The following CHST8 variants were observed in gnomAD, a reference collection of about 807,000 sequenced individuals.
The protein encoded by CHST8 is carbohydrate sulfotransferase 8.
Under a neutral mutation model 15.0 loss-of-function variants are expected in CHST8, and 10 were observed. The observed-to-expected ratio is 0.67, with a 90% CI of 0.41 to 1.13. CHST8 has a LOEUF of 1.13. Ranked by LOEUF, CHST8 falls within the 50% of genes most tolerant of loss-of-function variation. The pLI, the probability that CHST8 is intolerant of heterozygous loss-of-function variation, is 0.00. For missense variants in CHST8, 634 were observed against 608.2 expected, an observed-to-expected ratio of 1.04 and a Z score of -0.45; for synonymous variants, 259 against 256.6, an observed-to-expected ratio of 1.01 and a Z score of -0.09.
At chr19:33,737,194 C>G (rs1974104954) in intron 3 of CHST8, among the ~76,000 whole-genome samples, 1 of 152,202 alleles carries the variant, frequency 6.6e-6, no homozygotes, top group South Asian at 2.1e-4. Context: ...AATAATCAAC[C>G]AGCAGCCCTA....
At chr19:33,657,158 A>AC (rs1972519555) in intron 1 of CHST8, among the ~76,000 whole-genome samples, 2 of 113,710 alleles carry the variant, frequency 1.8e-5, no homozygotes, top group South Asian at 2.8e-4. Flanking sequence ...CACACACACA[A>AC]ACACACATAT....
Position 33,722,959 on chromosome 19 carries a change from A to G in CHST8, c.130+33568A>G, listed in dbSNP as rs553469462. On this transcript the variant is annotated intron_variant, in intron 3 of 4. Coordinates refer to ENST00000650847, the MANE Select transcript of CHST8 (RefSeq NM_001127895.2). ...GCTGAGTGACAGCTAATCATTTTTC[A>G]CCTGGCATTCACCCTTCCGAAGATA... 2.6e-5 allele frequency among the ~76,000 whole-genome samples: 4 copies of G among 152,246 alleles called. No individual in the cohort carries two copies. In the East Asian group the frequency reaches 7.7e-4, roughly 29 times the overall value.
intron 3 of CHST8, among the ~76,000 whole-genome samples, chr19:33,747,574 CAT>C (rs919637151): frequency 3.9e-5 from 6 of 152,100 alleles, no homozygotes; most frequent in Admixed American, 2.0e-4. Context: ...CACACACACA[CAT>C]ACACACTACT....
intron 1 of CHST8, among the ~76,000 whole-genome samples, chr19:33,650,518 C>CTTTTTTTTTTTTTTTTTTTT (rs869057036): frequency 1.1e-4 from 4 of 36,108 alleles, no homozygotes; most frequent in African/African-American, 2.6e-4. Context: ...TTTTTCTTTT[C>CTTTTTTTTTTTTTTTTTTTT]TTTTTTTTTT....
At chr19:33,726,645 G>A (rs1446588409) in intron 3 of CHST8, among the ~76,000 whole-genome samples, 2 of 152,144 alleles carry the variant, frequency 1.3e-5, no homozygotes, top group Non-Finnish European at 2.9e-5. Context: ...GGCTGGATCG[G>A]TGTCCCAGGA....
Position 33,670,770 on chromosome 19 carries a change from C to A in CHST8, c.-87+2927C>A, listed in dbSNP as rs528175337. Reference sequence around the variant, plus strand: ...GTTGATGGAATTGTCGGAGAGAGAGCATGTCGGGGGGCTCTGTTCATCTCC... The same window carrying A: ...GTTGATGGAATTGTCGGAGAGAGAGAATGTCGGGGGGCTCTGTTCATCTCC... On this transcript the variant is annotated intron_variant, in intron 2 of 4. Transcript: ENST00000650847. Among the ~76,000 whole-genome samples, 20 of 152,304 alleles carry A rather than the reference C, an allele frequency of 1.3e-4. No individual in the cohort carries two copies. In the South Asian group the frequency reaches 4.1e-3, roughly 32 times the overall value.
chr19:33,762,193 T>C (rs747768716), intron 3 of CHST8, among the ~76,000 whole-genome samples: 16 of 152,250 alleles, frequency 1.1e-4, no homozygotes, highest in Non-Finnish European at 1.9e-4. Flanking sequence ...CTGCAGGCTC[T>C]GACCGAGGGA....
intron 1 of CHST8, among the ~76,000 whole-genome samples, chr19:33,648,966 C>T (rs1009398250): frequency 3.3e-5 from 4 of 119,506 alleles, no homozygotes; most frequent in African/African-American, 3.3e-5. Flanking sequence ...TGCAGTGGGG[C>T]GATCTCGGCT....
chr19:33,674,246 C>T (rs988250031), intron 2 of CHST8, among the ~76,000 whole-genome samples: 3 of 152,186 alleles, frequency 2.0e-5, no homozygotes, highest in Non-Finnish European at 4.4e-5. Flanking sequence ...TCGCTGCTGG[C>T]CTGTGAAGGG....
At chr19:33,702,514 C>A (rs1450731384) in intron 3 of CHST8, among the ~76,000 whole-genome samples, 1 of 152,222 alleles carries the variant, frequency 6.6e-6, no homozygotes, top group Admixed American at 6.5e-5. Context: ...ATTAATAAAA[C>A]CTACAACAAA....
At chr19:33,622,931 G>A (rs538292680) in intron 1 of CHST8, among the ~76,000 whole-genome samples, 324 of 152,294 alleles carry the variant, frequency 2.1e-3, no homozygotes, top group African/African-American at 7.6e-3. Flanking sequence ...GGAGCCTGGG[G>A]CGGCTCCAGG....
Position 33,622,236 on chromosome 19 carries a change from C to T in CHST8, c.-224C>T, listed in dbSNP as rs1022767322. ...CTGCGCGCCCCAAGCAGAGGATCCGCCGCGGAGAACCGCTCCCGGACTGGA... is the reference window on the plus strand; with the variant it reads ...CTGCGCGCCCCAAGCAGAGGATCCGTCGCGGAGAACCGCTCCCGGACTGGA... On this transcript the variant is annotated 5_prime_UTR_variant, in exon 1 of 5. Coordinates refer to ENST00000650847, the MANE Select transcript of CHST8 (RefSeq NM_001127895.2). 74 of 152,032 alleles carry T rather than the reference C, an allele frequency of 4.9e-4. No homozygotes were observed. The highest frequency in any genetic ancestry group is 1.8e-3 in the African/African-American group (73 of 41,416). 9.4% of individuals were successfully genotyped at this position (152,032 alleles called of 1,614,324 possible). A position where few individuals can be genotyped will look rare whatever the true frequency, so the allele number is the denominator to read the frequency against.
chr19:33,636,339 G>A (rs1314816834), intron 1 of CHST8, among the ~76,000 whole-genome samples: 2 of 152,266 alleles, frequency 1.3e-5, no homozygotes, highest in East Asian at 3.9e-4. Flanking sequence ...GGAATATGAA[G>A]TGTTTATCAA....
At chr19:33,726,911 G>A (rs140187872) in intron 3 of CHST8, among the ~76,000 whole-genome samples, 156 of 151,510 alleles carry the variant, frequency 1.0e-3, no homozygotes, top group Admixed American at 2.9e-3. Context: ...ACCTCGACCC[G>A]CACCTCTGCT....
intron 3 of CHST8, among the ~76,000 whole-genome samples, chr19:33,701,836 G>A (rs1568334480): frequency 6.6e-6 from 1 of 152,180 alleles, no homozygotes; most frequent in Non-Finnish European, 1.5e-5. Flanking sequence ...GAAACTTAGG[G>A]AGATTCATTC....
intron 2 of CHST8, among the ~76,000 whole-genome samples, chr19:33,673,255 T>C (rs151071155): frequency 2.8e-3 from 427 of 152,284 alleles, no homozygotes; most frequent in South Asian, 8.7e-3. Flanking sequence ...GTCCCATTGA[T>C]CAGGCCAGAT....
rs28640219 is a variant in CHST8, at chr19:33,773,095, C to G, written c.*32C>G. ...CCGCAGCTGGCCGGGGCCGCCCTGC[C>G]CCGGTCACTCACCTGTGCTCCCGGG... is the stretch of plus-strand genomic sequence containing the variant. On this transcript the variant is annotated 3_prime_UTR_variant, in exon 5 of 5. Transcript: ENST00000650847. 459 of 1,552,954 alleles carry G rather than the reference C, an allele frequency of 3.0e-4. 1 individual carries two copies. The African/African-American group carries it at 5.7e-3, about 19-fold the overall frequency.
chr19:33,757,540 GAAAGAAAGAAAGAA>G (rs1974617381), intron 3 of CHST8, among the ~76,000 whole-genome samples: 1 of 89,576 alleles, frequency 1.1e-5, no homozygotes, highest in Non-Finnish European at 2.3e-5. Context: ...AAGAAAGAAA[GAAAGAAAGAAAGAA>G]AGAAAGAAAG....
At chr19:33,650,625 A>T (rs1442527611) in intron 1 of CHST8, among the ~76,000 whole-genome samples, 2 of 135,332 alleles carry the variant, frequency 1.5e-5, no homozygotes, top group Non-Finnish European at 3.0e-5. Flanking sequence ...TTCTCCTCCC[A>T]GGTTCAAACC....
Sources: allele counts gnomAD v4.1 joint callset (sites outside exome capture counted in the v4.1 genomes callset), GRCh38; gene constraint gnomAD v4.1.1; transcripts MANE v1.5; gene names NCBI Gene and HGNC (gene_info 2026-07-23, HGNC 2026-07-21).